SLC36A4: variants seen among roughly 807,000 people sequenced by gnomAD.
SLC36A4 encodes neutral amino acid uniporter 4.
Under a neutral mutation model 50.5 loss-of-function variants are expected in SLC36A4, and 49 were observed. The ratio of observed to expected loss-of-function variants is 0.97; its 90% CI spans 0.77 to 1.23. SLC36A4 has a LOEUF of 1.23. SLC36A4 is among the 50% of genes most tolerant of loss of function. The pLI is 0.00. For synonymous variants in SLC36A4, 207 were observed against 206.5 expected, an observed-to-expected ratio of 1.00 and a Z score of -0.02; for missense variants, 611 against 608.4, an observed-to-expected ratio of 1.00 and a Z score of -0.05.
intron 9 of SLC36A4, among the ~76,000 whole-genome samples, chr11:93,155,936 A>G (rs903856703): frequency 2.6e-5 from 4 of 152,184 alleles, no homozygotes; most frequent in African/African-American, 9.6e-5. Flanking sequence ...ATAGTATTCC[A>G]TGATGTATAT....
chr11:93,193,686 T>C (rs1862305690), intron 1 of SLC36A4, among the ~76,000 whole-genome samples: 1 of 152,172 alleles, frequency 6.6e-6, no homozygotes. Context: ...TTGTATGCTC[T>C]CTTATTTGCC....
At chr11:93,178,821 A>G (rs893051393) in intron 6 of SLC36A4, among the ~76,000 whole-genome samples, 1 of 152,190 alleles carries the variant, frequency 6.6e-6, no homozygotes, top group Non-Finnish European at 1.5e-5. Context: ...CTCCTCTTCA[A>G]CATAGTACTG....
Position 93,162,761 on chromosome 11 carries a change from A to G in SLC36A4, c.982T>C (p.Cys328Arg), listed in dbSNP as rs1337888509. 3 of 1,613,378 alleles carry G rather than the reference A, an allele frequency of 1.9e-6. No homozygotes were observed. The African/African-American group carries it at 4.0e-5, about 22-fold the overall frequency. Residue 328 changes from cysteine to arginine, a missense_variant, in exon 9 of 11, where the codon TGT becomes CGT. Transcript: ENST00000326402. ...YVTLATLGYM[C>R]FHDEIKGSIT... Reference sequence around the variant, plus strand: ...CTGCCTTTGATTTCATCATGGAAACACATATATCCTAAAGTAGCTAATGTT... The same window carrying G: ...CTGCCTTTGATTTCATCATGGAAACGCATATATCCTAAAGTAGCTAATGTT...
At chr11:93,168,241 G>A (rs1268237187) in intron 6 of SLC36A4, 70 bp from the exon 7 acceptor site, 4 of 860,520 alleles carry the variant, frequency 4.6e-6, no homozygotes, top group Admixed American at 2.6e-5. Flanking sequence ...TAAAACACAT[G>A]TACAAAGAAA....
Position 93,181,681 on chromosome 11 carries a change from A to T in SLC36A4, c.455+10T>A, listed in dbSNP as rs536752152. 6.6e-7 allele frequency: 1 copy of T among 1,505,034 alleles called. No individual in the cohort carries two copies. The highest frequency in any genetic ancestry group is 8.9e-7 in the Non-Finnish European group (1 of 1,122,850). 93.2% of individuals were successfully genotyped at this position (1,505,034 alleles called of 1,614,324 possible). A position where few individuals can be genotyped will look rare whatever the true frequency, so the allele number is the denominator to read the frequency against. On this transcript the variant is annotated intron_variant, in intron 5 of 10. Transcript: ENST00000326402. The stretch of plus-strand genomic sequence containing the variant: ...AACAATCATATATTAATAACAGAGT[A>T]AGTACTTACCGCCCCCATGCTGCTT...
intron 1 of SLC36A4, among the ~76,000 whole-genome samples, chr11:93,194,851 C>G (rs1862354080): frequency 6.6e-6 from 1 of 152,146 alleles, no homozygotes; most frequent in Admixed American, 6.6e-5. Flanking sequence ...ATCCAATTGC[C>G]TACTTGACAT....
chr11:93,166,331 T>C (rs1212950143), intron 7 of SLC36A4: 4 of 1,058,164 alleles, frequency 3.8e-6, no homozygotes, highest in Non-Finnish European at 1.1e-6. Flanking sequence ...AGGAAATACA[T>C]AAGCACACTC....
intron 1 of SLC36A4, among the ~76,000 whole-genome samples, chr11:93,193,505 C>T (rs1862298950): frequency 6.6e-6 from 1 of 152,044 alleles, no homozygotes; most frequent in African/African-American, 2.4e-5. Context: ...AATAGGTGTG[C>T]TATCTATTTA....
At chr11:93,196,275 T>C (rs1455354938) in intron 1 of SLC36A4, among the ~76,000 whole-genome samples, 2 of 152,206 alleles carry the variant, frequency 1.3e-5, no homozygotes, top group Non-Finnish European at 2.9e-5. Flanking sequence ...CTTTTCTCTA[T>C]ATACTATAAT....
At chr11:93,193,462 A>G (rs1862297427) in intron 1 of SLC36A4, among the ~76,000 whole-genome samples, 1 of 152,186 alleles carries the variant, frequency 6.6e-6, no homozygotes, top group African/African-American at 2.4e-5. Context: ...TGTAAAAATT[A>G]ATGATGCCTT....
chr11:93,175,923 T>G (rs1452408828), intron 6 of SLC36A4, among the ~76,000 whole-genome samples: 4 of 124,190 alleles, frequency 3.2e-5, no homozygotes, highest in African/African-American at 1.2e-4. Flanking sequence ...ATGTATATTC[T>G]GTTGATTTGG....
chr11:93,190,175 T>C (rs996820773), intron 1 of SLC36A4, among the ~76,000 whole-genome samples: 2 of 152,166 alleles, frequency 1.3e-5, no homozygotes, highest in Non-Finnish European at 2.9e-5. Context: ...CTGTGAAAAA[T>C]AGCTTTTCAT....
intron 9 of SLC36A4, chr11:93,154,568 G>C (rs1345331458): frequency 5.9e-6 from 1 of 168,574 alleles, no homozygotes; most frequent in African/African-American, 2.4e-5. Context: ...CTGAAGGTTA[G>C]ACTCAGCCCC....
rs913218493 is a variant in SLC36A4 at position 93,197,954 on chromosome 11, T to C, written c.-122A>G. On this transcript the variant is annotated 5_prime_UTR_variant, in exon 1 of 11. Coordinates refer to ENST00000326402, the MANE Select transcript of SLC36A4 (RefSeq NM_152313.4). ...GACCCGCGCCTGGTGCCCGCCTCCCTGCCCCGGCGCTCCCCAACCGCGCGG... is the reference window on the plus strand; with the variant it reads ...GACCCGCGCCTGGTGCCCGCCTCCCCGCCCCGGCGCTCCCCAACCGCGCGG... 7 of 1,034,202 alleles carry C rather than the reference T, an allele frequency of 6.8e-6. No homozygotes were observed. The Admixed American group carries it at 2.4e-4, about 36-fold the overall frequency. 64.1% of individuals were successfully genotyped at this position (1,034,202 alleles called of 1,614,324 possible).
chr11:93,165,124 C>A (rs1860804486), intron 8 of SLC36A4, among the ~76,000 whole-genome samples: 1 of 151,998 alleles, frequency 6.6e-6, no homozygotes, highest in Non-Finnish European at 1.5e-5. Flanking sequence ...AGAGCAGAAA[C>A]CCAAGTAAAA....
At chr11:93,153,933 T>C (rs1489344324) in intron 10 of SLC36A4, 175 bp downstream of exon 10, 1 of 336,204 alleles carries the variant, frequency 3.0e-6, no homozygotes, top group East Asian at 4.8e-5. Flanking sequence ...TATGTAGTAG[T>C]AGAAAAATTG....
At chr11:93,176,241 G>A (rs1471578133) in intron 6 of SLC36A4, among the ~76,000 whole-genome samples, 1 of 151,498 alleles carries the variant, frequency 6.6e-6, no homozygotes, top group Non-Finnish European at 1.5e-5. Context: ...TTGGTTTAAA[G>A]TCTGTTTTAT....
At chr11:93,152,112 A>C (rs929529311) in intron 10 of SLC36A4, 2 of 152,102 alleles carry the variant, frequency 1.3e-5, no homozygotes, top group Non-Finnish European at 2.9e-5. Context: ...TGATAAGTCC[A>C]CTTCTTTAAG....
At chr11:93,189,673 A>T (rs1862134280) in intron 1 of SLC36A4, among the ~76,000 whole-genome samples, 1 of 152,162 alleles carries the variant, frequency 6.6e-6, no homozygotes, top group African/African-American at 2.4e-5. Flanking sequence ...GTGCTGTACT[A>T]AGCATACTAT....
Sources: allele counts gnomAD v4.1 joint callset (sites outside exome capture counted in the v4.1 genomes callset), GRCh38; gene constraint gnomAD v4.1.1; transcripts MANE v1.5; gene names NCBI Gene and HGNC (gene_info 2026-07-23, HGNC 2026-07-21).